NTM: variants seen among roughly 807,000 people sequenced by gnomAD.
NTM encodes the protein IgLON family member 2.
In NTM, 13 loss-of-function variants were observed where a neutral mutation model predicts 42.1. The ratio of observed to expected loss-of-function variants is 0.31; its 90% CI spans 0.20 to 0.49. NTM has a LOEUF of 0.49. Among genes scored for constraint, NTM ranks in the 20% least tolerant of loss-of-function variants. The pLI is 0.99. For missense variants in NTM, 373 were observed against 452.8 expected, an observed-to-expected ratio of 0.82 and a Z score of 1.60; for synonymous variants, 187 against 179.2, an observed-to-expected ratio of 1.04 and a Z score of -0.35.
chr11:132,322,493 T>C (rs1291608545), intron 7 of NTM, among the ~76,000 whole-genome samples: 9 of 117,670 alleles, frequency 7.6e-5, no homozygotes, highest in Admixed American at 8.9e-5. Context: ...CCTAAATATA[T>C]ATGCACCCAA....
intron 2 of NTM, among the ~76,000 whole-genome samples, chr11:131,978,515 T>C (rs752718989): frequency 1.3e-5 from 2 of 152,054 alleles, no homozygotes; most frequent in Non-Finnish European, 2.9e-5. Context: ...CTGATGAGGT[T>C]GGAGTCTCTT....
intron 2 of NTM, among the ~76,000 whole-genome samples, chr11:131,927,967 G>A (rs1266485948): frequency 2.6e-5 from 4 of 152,066 alleles, no homozygotes; most frequent in African/African-American, 9.7e-5. Context: ...AAGGATTCTG[G>A]TGTTGGGAAA....
chr11:131,788,618 G>A (rs150018808), intron 1 of NTM, among the ~76,000 whole-genome samples: 1 of 152,028 alleles, frequency 6.6e-6, no homozygotes, highest in Admixed American at 6.6e-5. Flanking sequence ...TCCTCACCAA[G>A]ACTGACTTTC....
chr11:132,262,522 G>A (rs116102938), intron 4 of NTM, among the ~76,000 whole-genome samples: 3,099 of 152,256 alleles, frequency 0.02, 107 homozygotes, highest in African/African-American at 0.069. Flanking sequence ...GTAAGTTGTT[G>A]CCTTCTTGCT....
At chr11:132,175,646 G>T (rs1163392070) in intron 3 of NTM, among the ~76,000 whole-genome samples, 2 of 151,770 alleles carry the variant, frequency 1.3e-5, no homozygotes, top group Non-Finnish European at 2.9e-5. Context: ...GGAGTGCAGT[G>T]GTGCAGTCTC....
At chr11:131,496,521 G>T (rs994943689) in intron 1 of NTM, among the ~76,000 whole-genome samples, 5 of 152,214 alleles carry the variant, frequency 3.3e-5, no homozygotes, top group Admixed American at 6.5e-5. Context: ...AAAGGCCACA[G>T]GGGCCACAGA....
At chr11:131,934,773 G>T (rs78864781) in intron 2 of NTM, among the ~76,000 whole-genome samples, 20,284 of 152,156 alleles carry the variant, frequency 0.13, 2,122 homozygotes, top group African/African-American at 0.29. Flanking sequence ...GCAAGTGTCC[G>T]GTGCTGGAGG....
intron 1 of NTM, among the ~76,000 whole-genome samples, chr11:131,880,115 C>T (rs1464287402): frequency 6.6e-6 from 1 of 152,242 alleles, no homozygotes; most frequent in Non-Finnish European, 1.5e-5. Flanking sequence ...CACATGTGCA[C>T]ACAGCCATCT....
At chr11:131,454,932 C>A (rs73588703) in intron 1 of NTM, among the ~76,000 whole-genome samples, 2 of 152,180 alleles carry the variant, frequency 1.3e-5, no homozygotes, top group African/African-American at 4.8e-5. Flanking sequence ...AAGATAAACA[C>A]ACAGAGGAGA....
intron 7 of NTM, chr11:132,315,043 G>A (rs2095391613): frequency 9.3e-7 from 1 of 1,074,294 alleles, no homozygotes. Flanking sequence ...TCCCGAGATA[G>A]GAGAAAAATA....
chr11:132,040,542 A>G (rs2077047991), intron 2 of NTM, among the ~76,000 whole-genome samples: 2 of 152,208 alleles, frequency 1.3e-5, no homozygotes, highest in Admixed American at 6.5e-5. Flanking sequence ...AATGTTGGCA[A>G]TATTGATATG....
intron 1 of NTM, among the ~76,000 whole-genome samples, chr11:131,750,362 A>G (rs2082333878): frequency 1.3e-5 from 2 of 152,138 alleles, no homozygotes; most frequent in African/African-American, 4.8e-5. Context: ...TTTCATTGCC[A>G]GGCAAAGTGT....
rs969931733 is a variant in NTM, at chr11:132,112,403, T to C, written c.168-33879T>C. On this transcript the variant is annotated intron_variant, in intron 2 of 8. Coordinates refer to ENST00000683400, the MANE Select transcript of NTM (RefSeq NM_001352005.2). ...AAAGAAAAAAATGAAGAAAGACATT[T>C]TCAGAAACCATTCCCTTAGTAAATA... is the stretch of plus-strand genomic sequence containing the variant. Among the ~76,000 whole-genome samples, 5 of 152,198 alleles carry C rather than the reference T, an allele frequency of 3.3e-5. 1 individual carries two copies. Among genetic ancestry groups the C allele is most frequent in the Admixed American group, 2.0e-4 (3 of 15,272 alleles).
chr11:131,521,779 G>C (rs1311905116), intron 1 of NTM, among the ~76,000 whole-genome samples: 7 of 152,032 alleles, frequency 4.6e-5, no homozygotes, highest in African/African-American at 4.8e-5. Flanking sequence ...GTCCAAACTA[G>C]AGCAGCATTC....
chr11:132,133,434 T>G (rs763969261), intron 2 of NTM, among the ~76,000 whole-genome samples: 137 of 152,348 alleles, frequency 9.0e-4, no homozygotes, highest in Non-Finnish European at 1.8e-3. Context: ...CAATGAACAT[T>G]TGGCAAATAA....
At chr11:131,491,562 C>A (rs1954794052) in intron 1 of NTM, among the ~76,000 whole-genome samples, 1 of 152,032 alleles carries the variant, frequency 6.6e-6, no homozygotes, top group African/African-American at 2.4e-5. Flanking sequence ...TGATCTGGGC[C>A]CATGTTCATA....
intron 1 of NTM, among the ~76,000 whole-genome samples, chr11:131,584,878 T>C (rs968177652): frequency 2.0e-5 from 3 of 152,084 alleles, no homozygotes; most frequent in African/African-American, 7.2e-5. Context: ...CCTCCCCCTC[T>C]CAGTGCTGCA....
chr11:131,827,542 C>G (rs1208619723), intron 1 of NTM, among the ~76,000 whole-genome samples: 1 of 152,144 alleles, frequency 6.6e-6, no homozygotes, highest in Non-Finnish European at 1.5e-5. Flanking sequence ...AACAATCTGC[C>G]TGTCATTTGT....
At chr11:131,911,335 C>T (rs1368449835) in intron 1 of NTM, 13 of 1,487,138 alleles carry the variant, frequency 8.7e-6, no homozygotes, top group Non-Finnish European at 9.8e-6. Flanking sequence ...GGAGTCTGCG[C>T]GCTTTTCTCC....
Sources: allele counts gnomAD v4.1 joint callset (sites outside exome capture counted in the v4.1 genomes callset), GRCh38; gene constraint gnomAD v4.1.1; transcripts MANE v1.5; gene names NCBI Gene and HGNC (gene_info 2026-07-23, HGNC 2026-07-21).